KCNT2: variants seen among roughly 807,000 people sequenced by gnomAD.
The protein encoded by KCNT2 is potassium channel subfamily T member 2.
Under a neutral mutation model 153.8 loss-of-function variants are expected in KCNT2, and 67 were observed. The observed-to-expected ratio is 0.44, with a 90% CI of 0.36 to 0.53. KCNT2 has a LOEUF of 0.53. KCNT2 is among the 20% of genes least tolerant of loss of function. KCNT2 has a pLI of 0.00. For missense variants in KCNT2, 975 were observed against 1,354.8 expected, an observed-to-expected ratio of 0.72 and a Z score of 4.40; for synonymous variants, 500 against 458.8, an observed-to-expected ratio of 1.09 and a Z score of -1.15.
intron 1 of KCNT2, among the ~76,000 whole-genome samples, chr1:196,530,701 A>T (rs1654823013): frequency 6.6e-6 from 1 of 152,110 alleles, no homozygotes; most frequent in Non-Finnish European, 1.5e-5. Flanking sequence ...CATACTGCAT[A>T]TGTAATATAA....
intron 1 of KCNT2, among the ~76,000 whole-genome samples, chr1:196,534,614 T>C (rs1472711378): frequency 1.3e-5 from 2 of 152,158 alleles, no homozygotes; most frequent in African/African-American, 4.8e-5. Flanking sequence ...ATCTTTAGAC[T>C]TTAAAATCAT....
chr1:196,258,483 A>G lies in KCNT2; in HGVS notation c.2922T>C (p.Ser974=). 2 of 1,563,546 alleles carry G rather than the reference A, an allele frequency of 1.3e-6. No homozygotes were observed. The highest frequency in any genetic ancestry group is 1.4e-5 in the African/African-American group (1 of 73,558). The change falls in exon 26 of 28, where the codon TCT becomes TCC. Residue 974 remains serine (S), a synonymous_variant. Transcript: ENST00000294725. ...TGTCTTCCCACTCTTCTACACTGATAGATATTTGAGACTTTAAAGGAAATA... is the reference window on the plus strand; with the variant it reads ...TGTCTTCCCACTCTTCTACACTGATGGATATTTGAGACTTTAAAGGAAATA... The part of the protein sequence containing the change: ...QKLTTSESQI[S]ISVEEWEDTK...
intron 23 of KCNT2, among the ~76,000 whole-genome samples, chr1:196,284,525 C>T (rs1024355158): frequency 6.6e-6 from 1 of 151,450 alleles, no homozygotes. Context: ...CATAATGGTA[C>T]CCAAGCATTT....
chr1:196,238,775 AC>A (rs1205614583), intron 26 of KCNT2, among the ~76,000 whole-genome samples: 2 of 152,012 alleles, frequency 1.3e-5, no homozygotes, highest in Non-Finnish European at 2.9e-5. Flanking sequence ...GCACATGCAT[AC>A]ATATGTAACA....
chr1:196,413,277 C>T (rs951270718), intron 12 of KCNT2, among the ~76,000 whole-genome samples: 5 of 151,570 alleles, frequency 3.3e-5, no homozygotes, highest in South Asian at 2.1e-4. Flanking sequence ...CTGTCACTCT[C>T]GGAAATCTGT....
At chr1:196,553,939 G>T (rs996153539) in intron 1 of KCNT2, among the ~76,000 whole-genome samples, 4 of 151,222 alleles carry the variant, frequency 2.6e-5, no homozygotes, top group Non-Finnish European at 5.9e-5. Flanking sequence ...AATGATAATG[G>T]AAGAACAACA....
At chr1:196,354,876 C>T (rs1260803973) in intron 14 of KCNT2, among the ~76,000 whole-genome samples, 1 of 151,548 alleles carries the variant, frequency 6.6e-6, no homozygotes, top group East Asian at 1.9e-4. Context: ...CATTATTTCA[C>T]AATTATTGCA....
intron 17 of KCNT2, among the ~76,000 whole-genome samples, chr1:196,333,597 ATAAT>A (rs1664704402): frequency 6.6e-6 from 1 of 152,154 alleles, no homozygotes; most frequent in Non-Finnish European, 1.5e-5. Flanking sequence ...AGGATAAAAG[ATAAT>A]TAAGAGCAAA....
chr1:196,310,843 A>G (rs1662105368), intron 21 of KCNT2, among the ~76,000 whole-genome samples: 1 of 151,790 alleles, frequency 6.6e-6, no homozygotes, highest in African/African-American at 2.4e-5. Context: ...ATTTCCTATT[A>G]TTCTTAAAAT....
At chr1:196,486,825 A>T (rs577944470) in intron 3 of KCNT2, among the ~76,000 whole-genome samples, 1 of 152,088 alleles carries the variant, frequency 6.6e-6, no homozygotes, top group South Asian at 2.1e-4. Context: ...AATACTAGAT[A>T]TGATACTAAG....
chr1:196,235,217 A>C (rs911673571), intron 27 of KCNT2, among the ~76,000 whole-genome samples: 1 of 151,416 alleles, frequency 6.6e-6, no homozygotes, highest in Non-Finnish European at 1.5e-5. Flanking sequence ...ACTTTATGCA[A>C]TTCCTGCATT....
chr1:196,336,582 G>A (rs188965036), intron 16 of KCNT2, among the ~76,000 whole-genome samples: 177 of 152,158 alleles, frequency 1.2e-3, no homozygotes, highest in Non-Finnish European at 2.0e-3. Context: ...GCAGTCAGAC[G>A]TTTTAAGAAC....
At chr1:196,346,183 GC>G (rs2148186168) in intron 14 of KCNT2, among the ~76,000 whole-genome samples, 1 of 152,132 alleles carries the variant, frequency 6.6e-6, no homozygotes, top group African/African-American at 2.4e-5. Flanking sequence ...AATAATTAAA[GC>G]TTTTTGTTTG....
At chr1:196,466,658 T>C (rs1409162850) in intron 7 of KCNT2, among the ~76,000 whole-genome samples, 3 of 152,104 alleles carry the variant, frequency 2.0e-5, no homozygotes, top group African/African-American at 4.8e-5. Flanking sequence ...TATGTATGTA[T>C]ATATAATTTC....
chr1:196,558,721 T>A (rs1659009878), intron 1 of KCNT2, among the ~76,000 whole-genome samples: 3 of 151,558 alleles, frequency 2.0e-5, no homozygotes, highest in Admixed American at 6.6e-5. Context: ...TATTTATTAC[T>A]CTTTTTATAA....
chr1:196,602,962 A>AT (rs1664919343), intron 1 of KCNT2, among the ~76,000 whole-genome samples: 1 of 148,778 alleles, frequency 6.7e-6, no homozygotes, highest in Non-Finnish European at 1.5e-5. Flanking sequence ...AATTTTTTGT[A>AT]TTTTTAGTAG....
chr1:196,529,608 G>T (rs982007820), intron 1 of KCNT2, among the ~76,000 whole-genome samples: 2 of 152,066 alleles, frequency 1.3e-5, no homozygotes, highest in African/African-American at 4.8e-5. Context: ...GGATTTTATA[G>T]GATGTAAACA....
chr1:196,500,847 A>C (rs974365966), intron 1 of KCNT2, among the ~76,000 whole-genome samples: 1 of 152,166 alleles, frequency 6.6e-6, no homozygotes, highest in East Asian at 1.9e-4. Flanking sequence ...CAAACAACTC[A>C]ACAAGAAAAA....
chr1:196,516,008 G>A (rs948475778), intron 1 of KCNT2, among the ~76,000 whole-genome samples: 1 of 152,160 alleles, frequency 6.6e-6, no homozygotes, highest in African/African-American at 2.4e-5. Flanking sequence ...CGAAGCCCCA[G>A]GAGCATTAGA....
Sources: gnomAD v4.1 joint callset for allele counts (sites outside exome capture counted in the v4.1 genomes callset) on GRCh38, gnomAD v4.1.1 for gene constraint, MANE v1.5 for transcripts, NCBI Gene and HGNC (gene_info 2026-07-23, HGNC 2026-07-21) for gene names.